Variants in APOBEC1 observed in about 807,000 individuals in gnomAD.
APOBEC1 encodes apolipoprotein B mRNA editing enzyme catalytic subunit 1, also known as C->U-editing enzyme APOBEC-1.
A neutral mutation model predicts 26.3 loss-of-function variants in APOBEC1; 22 were observed. The ratio of observed to expected loss-of-function variants is 0.84; its 90% CI spans 0.60 to 1.19. The LOEUF (loss-of-function observed/expected upper bound fraction) is 1.19, where lower values mean the gene tolerates loss of function less well. APOBEC1 is among the 50% of genes most tolerant of loss of function. The probability of loss-of-function intolerance (pLI) is 0.00; values close to 1 mark genes in which losing one functional copy is unlikely to be tolerated. For missense variants in APOBEC1, 253 were observed against 289.0 expected (o/e 0.88, Z 0.90); for synonymous variants, 77 against 95.3 (o/e 0.81, Z 1.12).
intron 2 of APOBEC1, among the ~76,000 whole-genome samples, chr12:7,653,442 G>A (rs925593305): frequency 6.7e-6 from 1 of 149,456 alleles, no homozygotes; most frequent in Non-Finnish European, 1.5e-5. Flanking sequence ...TCAGGTGTAA[G>A]CGTGTCTTTG....
intron 1 of APOBEC1, among the ~76,000 whole-genome samples, chr12:7,660,378 A>AGGAAGGAAGGAAGGAG (rs1257234032): frequency 2.0e-5 from 2 of 100,798 alleles, no homozygotes; most frequent in African/African-American, 3.9e-5. Flanking sequence ...GAAGGAAGGA[A>AGGAAGGAAGGAAGGAG]AGAAAGAAAG....
At chr12:7,666,483 C>T (rs778392752), upstream of APOBEC1, among the ~76,000 whole-genome samples, 21 of 151,998 alleles carry the variant, frequency 1.4e-4, no homozygotes, top group East Asian at 2.5e-3. Context: ...TTAGTAGAGA[C>T]GGGGTTTCAC....
chr12:7,652,221 G>A (rs1267726626), intron 3 of APOBEC1, among the ~76,000 whole-genome samples: 1 of 152,172 alleles, frequency 6.6e-6, no homozygotes, highest in African/African-American at 2.4e-5. Flanking sequence ...GCCTCCCAAA[G>A]TTCTGGGATT....
In APOBEC1 at chr12:7,662,927, A is replaced by G. The variant is rs144613649; in HGVS notation, c.16+2930T>C. Among the ~76,000 whole-genome samples the G allele has an allele frequency of 2.6e-4, 40 of 152,300 alleles. No homozygotes were observed. In the East Asian group the frequency reaches 7.7e-3, roughly 29 times the overall value. ...CCACAGGGCCTTACCAGCTCTGGAT[A>G]GTATGCTAAGTGTAAGAAGCCATTA... On this transcript the variant is annotated intron_variant, in intron 1 of 4. Transcript: ENST00000229304.
At chr12:7,658,782 G>T (rs767996503) in intron 1 of APOBEC1, among the ~76,000 whole-genome samples, 1 of 151,386 alleles carries the variant, frequency 6.6e-6, no homozygotes, top group African/African-American at 2.4e-5. Context: ...GCGAAACCCC[G>T]TCTCTACTAA....
At chr12:7,666,754 G>T (rs1863897627), upstream of APOBEC1, among the ~76,000 whole-genome samples, 1 of 152,072 alleles carries the variant, frequency 6.6e-6, no homozygotes, top group Non-Finnish European at 1.5e-5. Flanking sequence ...CTCTCATTTT[G>T]CTCTCTGTCC....
rs1252264083 is a variant in APOBEC1 at position 7,651,043 on chromosome 12, C to G, written c.541G>C (p.Glu181Gln). 1.2e-6 allele frequency: 2 copies of G among 1,613,180 alleles called. No homozygotes were observed. The highest frequency in any genetic ancestry group is 4.5e-5 in the East Asian group (2 of 44,878). Residue 181 changes from glutamate (E) to glutamine (Q), a missense_variant, in exon 4 of 5, where the codon GAG becomes CAG. By Grantham distance (29) the Glu-to-Gln change is conservative. Coordinates refer to ENST00000229304, the MANE Select transcript of APOBEC1 (RefSeq NM_001644.5). ...CTTACTAGAATTATGCAGTGCAGCT[C>G]CAGTGCGTACAACATCATCCACAGA... ...PPLWMMLYAL[E>Q]LHCIILSLPP...
chr12:7,651,468 GC>G (rs1182815886), intron 3 of APOBEC1, among the ~76,000 whole-genome samples: 1 of 151,856 alleles, frequency 6.6e-6, no homozygotes, highest in African/African-American at 2.4e-5. Context: ...CAAAAAATTA[GC>G]CGGGCGTGGT....
rs61753204 is a variant in APOBEC1, at chr12:7,652,558, G to A, written c.322C>T (p.Pro108Ser). The change falls in exon 3 of 5, where the codon CCT becomes TCT. Residue 108 changes from proline (P) to serine (S), a missense_variant. Coordinates refer to ENST00000229304, the MANE Select transcript of APOBEC1 (RefSeq NM_001644.5). The part of the protein sequence containing the change: ...QAIREFLSRH[P>S]GVTLVIYVAR... ...ACGTAGATCACTAGAGTCACACCAG[G>A]GTGCCGACTCAGAAACTCTCTAATA... 0.014 allele frequency: 23,228 copies of A among 1,614,136 alleles called. 190 individuals carry two copies. The highest frequency in any genetic ancestry group is 0.02 in the South Asian group (1,851 of 91,070).
intron 1 of APOBEC1, among the ~76,000 whole-genome samples, chr12:7,662,298 ACGGC>A (rs1863831232): frequency 6.6e-6 from 1 of 151,796 alleles, no homozygotes; most frequent in South Asian, 2.1e-4. Context: ...TTAAAAAAAG[ACGGC>A]CGGGTACGGT....
Position 7,651,021 on chromosome 12 carries a change from A to C in APOBEC1, c.561+2T>G, listed in dbSNP as rs373316326. 3 of 1,598,716 alleles carry C rather than the reference A, an allele frequency of 1.9e-6. No individual in the cohort carries two copies. In the African/African-American group the frequency reaches 4.0e-5, roughly 21 times the overall value. On this transcript the variant is annotated splice_donor_variant, in intron 4 of 4. Coordinates refer to ENST00000229304, the MANE Select transcript of APOBEC1 (RefSeq NM_001644.5). LOFTEE classifies it high-confidence loss of function. ...AACATTTGTGTCCCTAAAGTGACTT[A>C]CTAGAATTATGCAGTGCAGCTCCAG...
intron 3 of APOBEC1, 129 bp from the exon 4 acceptor site, chr12:7,651,270 C>T (rs1863634213): frequency 3.0e-6 from 2 of 663,814 alleles, no homozygotes; most frequent in Admixed American, 5.3e-5. Flanking sequence ...ATTAGACCCC[C>T]TAAAAAGAAT....
At chr12:7,661,392 G>A (rs771559922) in intron 1 of APOBEC1, among the ~76,000 whole-genome samples, 1 of 151,990 alleles carries the variant, frequency 6.6e-6, no homozygotes, top group East Asian at 1.9e-4. Context: ...AAATCTGCAC[G>A]TGTACCCCAT....
chr12:7,666,737 C>T (rs943804376), upstream of APOBEC1, among the ~76,000 whole-genome samples: 4 of 152,082 alleles, frequency 2.6e-5, no homozygotes, highest in African/African-American at 4.8e-5. Flanking sequence ...CACCTATTTC[C>T]AACTTCCTCT....
At chr12:7,651,877 G>A (rs1365671894) in intron 3 of APOBEC1, among the ~76,000 whole-genome samples, 2 of 151,798 alleles carry the variant, frequency 1.3e-5, no homozygotes, top group South Asian at 2.1e-4. Context: ...CTGGAGTGCA[G>A]TGGCGCGATC....
At chr12:7,656,310 A>C (rs1005233232) in intron 1 of APOBEC1, among the ~76,000 whole-genome samples, 1 of 152,120 alleles carries the variant, frequency 6.6e-6, no homozygotes, top group Non-Finnish European at 1.5e-5. Flanking sequence ...CCGTGGAAGA[A>C]AGTCTGGGCT....
intron 1 of APOBEC1, among the ~76,000 whole-genome samples, chr12:7,659,437 C>A (rs75599652): frequency 6.8e-6 from 1 of 146,606 alleles, no homozygotes; most frequent in Non-Finnish European, 1.5e-5. Context: ...GACCAACTCA[C>A]CATTTAATTT....
At position 7,657,288 on chromosome 12, in the gene APOBEC1, T is replaced by C. The variant is rs1253471868; in HGVS notation, c.17-2656A>G. Among the ~76,000 whole-genome samples the C allele has an allele frequency of 2.6e-5, 4 of 152,182 alleles. No homozygotes were observed. The East Asian group carries it at 7.7e-4, about 29-fold the overall frequency. ...ATGTCTAGTTGCATAACATAGAACC[T>C]AAGTTGAGCCAGTCCTTGGAATATG... On this transcript the variant is annotated intron_variant, in intron 1 of 4. Transcript: ENST00000229304.
chr12:7,670,580 C>A (rs1055470635), upstream of APOBEC1, among the ~76,000 whole-genome samples: 5 of 139,016 alleles, frequency 3.6e-5, no homozygotes, highest in Non-Finnish European at 7.8e-5. Flanking sequence ...CATGGAGAAA[C>A]CCCACCTCTA....
Sources: allele counts gnomAD v4.1 joint callset (sites outside exome capture counted in the v4.1 genomes callset), GRCh38; gene constraint gnomAD v4.1.1; transcripts MANE v1.5; gene names NCBI Gene and HGNC (gene_info 2026-07-23, HGNC 2026-07-21).